The following MANBA variants were observed in gnomAD, a reference collection of about 807,000 sequenced individuals.
The protein encoded by MANBA is beta-mannosidase.
MANBA carries 83 observed loss-of-function variants against 111.1 expected under a neutral mutation model. The ratio of observed to expected loss-of-function variants is 0.75; its 90% CI spans 0.63 to 0.90. The LOEUF (loss-of-function observed/expected upper bound fraction) is 0.90, where lower values mean the gene tolerates loss of function less well. Ranked by LOEUF, MANBA falls within the 40% of genes least tolerant of loss-of-function variation. MANBA has a pLI of 0.00. For synonymous variants in MANBA, 370 were observed against 378.7 expected, an observed-to-expected ratio of 0.98 and a Z score of 0.27; for missense variants, 1,036 against 1,069.0, an observed-to-expected ratio of 0.97 and a Z score of 0.43.
chr4:102,633,756 A>C (rs764307660), intron 16 of MANBA, among the ~76,000 whole-genome samples: 16 of 148,218 alleles, frequency 1.1e-4, no homozygotes, highest in Non-Finnish European at 1.9e-4. Context: ...GAGACTGAAA[A>C]TTCATCCAGT....
chr4:102,713,247 C>T (rs530674896), intron 5 of MANBA, among the ~76,000 whole-genome samples: 5 of 152,130 alleles, frequency 3.3e-5, no homozygotes, highest in Non-Finnish European at 7.4e-5. Context: ...GTTAGGCCTC[C>T]GTGTGATTAC....
intron 4 of MANBA, among the ~76,000 whole-genome samples, chr4:102,717,829 A>G (rs1185719723): frequency 6.6e-6 from 1 of 152,242 alleles, no homozygotes; most frequent in East Asian, 1.9e-4. Context: ...TGGGCCAGAC[A>G]GAGCTAAGAC....
intron 1 of MANBA, chr4:102,751,984 G>C (rs1723821201): frequency 1.4e-6 from 1 of 722,744 alleles, no homozygotes; most frequent in Non-Finnish European, 2.6e-6. Flanking sequence ...AGAGTCTATA[G>C]CTGTTGATAG....
At position 102,728,709 on chromosome 4, in the gene MANBA, G is replaced by A. The variant is rs75846859; in HGVS notation, c.178-2026C>T. ...CTCCCTTCTGCTCTCTGGGAGAGTC[G>A]CAGGAGGGGCAGGCTGGGAGGGGCT... is the stretch of plus-strand genomic sequence containing the variant. On this transcript the variant is annotated intron_variant, in intron 1 of 16. Coordinates refer to ENST00000647097, the MANE Select transcript of MANBA (RefSeq NM_005908.4). 3.7e-3 allele frequency: 2,428 copies of A among 660,126 alleles called. 46 individuals are homozygous for A. The highest frequency in any genetic ancestry group is 0.037 in the African/African-American group (2,021 of 54,974). 40.9% of individuals were successfully genotyped at this position (660,126 alleles called of 1,614,324 possible).
intron 1 of MANBA, among the ~76,000 whole-genome samples, chr4:102,743,773 T>C (rs1270236908): frequency 6.6e-6 from 1 of 152,136 alleles, no homozygotes; most frequent in Non-Finnish European, 1.5e-5. Flanking sequence ...CACAGTGACT[T>C]GATGACCCGT....
At chr4:102,728,955 G>C in intron 1 of MANBA, 2 of 783,404 alleles carry the variant, frequency 2.6e-6, no homozygotes, top group Admixed American at 3.5e-5. Flanking sequence ...CTCATGTTCT[G>C]CATCCCAGAG....
At position 102,631,510 on chromosome 4, in the gene MANBA, A is replaced by G. The variant is rs1036853442; in HGVS notation, c.*547T>C. On this transcript the variant is annotated 3_prime_UTR_variant, in exon 17 of 17. Transcript: ENST00000647097. ...ATATCAAGTTGTCAATGTAATTTAT[A>G]TAACTTTTATTTTTATATAATTTCA... is the stretch of plus-strand genomic sequence containing the variant. The G allele has an allele frequency of 1.3e-5, 5 of 383,296 alleles. No individual in the cohort carries two copies. Among genetic ancestry groups the G allele is most frequent in the Admixed American group, 8.8e-5 (2 of 22,698 alleles). 23.7% of individuals were successfully genotyped at this position (383,296 alleles called of 1,614,324 possible).
intron 10 of MANBA, chr4:102,665,705 C>A (rs1173376152): frequency 6.6e-6 from 1 of 152,140 alleles, no homozygotes; most frequent in African/African-American, 2.4e-5. Flanking sequence ...AGGACATGTG[C>A]CCCAGTAGAG....
intron 7 of MANBA, among the ~76,000 whole-genome samples, chr4:102,684,545 A>G (rs532195670): frequency 1.3e-5 from 2 of 152,240 alleles, no homozygotes; most frequent in Admixed American, 6.5e-5. Context: ...ACTGGCAACT[A>G]CTCAAATTGC....
At chr4:102,649,382 A>T (rs950380228) in intron 13 of MANBA, among the ~76,000 whole-genome samples, 1 of 152,170 alleles carries the variant, frequency 6.6e-6, no homozygotes, top group African/African-American at 2.4e-5. Context: ...CAATGTCTAA[A>T]ATTTCCAGCT....
intron 7 of MANBA, 74 bp from the exon 8 acceptor site, chr4:102,674,144 C>T (rs1038330389): frequency 8.2e-6 from 10 of 1,215,616 alleles, no homozygotes; most frequent in Non-Finnish European, 1.2e-5. Context: ...AAAAAGCAGA[C>T]CTTTTTGAAA....
intron 7 of MANBA, among the ~76,000 whole-genome samples, chr4:102,676,901 C>G (rs1484255204): frequency 6.8e-6 from 1 of 147,872 alleles, no homozygotes; most frequent in African/African-American, 2.5e-5. Context: ...CTTTCACCTT[C>G]ATGCATTAGC....
At chr4:102,660,328 ACCT>A (rs1321069428) in intron 11 of MANBA, among the ~76,000 whole-genome samples, 2 of 152,058 alleles carry the variant, frequency 1.3e-5, no homozygotes, top group African/African-American at 4.8e-5. Flanking sequence ...ACTACCTATG[ACCT>A]CCATGACCTT....
intron 12 of MANBA, among the ~76,000 whole-genome samples, chr4:102,654,046 T>C (rs569517629): frequency 1.3e-5 from 2 of 152,298 alleles, no homozygotes; most frequent in South Asian, 4.1e-4. Flanking sequence ...ATCAAAGCAC[T>C]GCAGGGTGGG....
chr4:102,657,623 A>G, intron 12 of MANBA, 59 bp downstream of exon 12: 2 of 1,369,432 alleles, frequency 1.5e-6, no homozygotes, highest in Non-Finnish European at 2.1e-6. Flanking sequence ...AGTGATCAGA[A>G]TAAACACATG....
Position 102,650,611 on chromosome 4 carries a change from C to A in MANBA, c.1795G>T (p.Ala599Ser). The change falls in exon 13 of 17, where the codon GCT becomes TCT. Residue 599 changes from alanine to serine, a missense_variant. Ala to Ser is a moderately conservative substitution (Grantham distance 99). Transcript: ENST00000647097. ...TGGGGGAGTTTGAAATGAAGTCCAG[C>A]CTGATAAAGCATTTGTTTGTTACCA... is the stretch of plus-strand genomic sequence containing the variant. ...EGGNKQMLYQ[A>S]GLHFKLPQST... 1 of 1,613,314 alleles carries A rather than the reference C, an allele frequency of 6.2e-7. No individual in the cohort carries two copies.
intron 12 of MANBA, among the ~76,000 whole-genome samples, chr4:102,655,785 T>C (rs567218947): frequency 6.6e-6 from 1 of 152,158 alleles, no homozygotes; most frequent in African/African-American, 2.4e-5. Context: ...GATTGGTAAG[T>C]AAAACTTCAT....
At chr4:102,737,773 C>T (rs531184721) in intron 1 of MANBA, among the ~76,000 whole-genome samples, 16 of 152,236 alleles carry the variant, frequency 1.1e-4, no homozygotes, top group South Asian at 2.1e-4. Context: ...TGAGCGACTG[C>T]GCCCGGCCGG....
At chr4:102,707,807 GAATGGAAAAATATATTCCATGCA>G (rs1033302882) in intron 5 of MANBA, among the ~76,000 whole-genome samples, 9 of 151,960 alleles carry the variant, frequency 5.9e-5, no homozygotes, top group Non-Finnish European at 1.2e-4. Flanking sequence ...GAAAGTAAAG[GAATGGAAAAATATATTCCATGCA>G]AATGGAAATA....
Sources: gnomAD v4.1 joint callset for allele counts (sites outside exome capture counted in the v4.1 genomes callset) on GRCh38, gnomAD v4.1.1 for gene constraint, MANE v1.5 for transcripts, NCBI Gene and HGNC (gene_info 2026-07-23, HGNC 2026-07-21) for gene names.